SCD5: variants seen among roughly 807,000 people sequenced by gnomAD.
SCD5 encodes stearoyl-CoA desaturase 5, also known as acyl-CoA-desaturase 4.
A neutral mutation model predicts 30.4 loss-of-function variants in SCD5; 20 were observed. That is an observed-to-expected ratio of 0.66 (90% CI 0.46 to 0.96). The LOEUF (loss-of-function observed/expected upper bound fraction) is 0.96, where lower values mean the gene tolerates loss of function less well. Ranked by LOEUF, SCD5 falls within the 40% of genes least tolerant of loss-of-function variation. SCD5 has a pLI of 0.00. For synonymous variants in SCD5, 173 were observed against 176.4 expected, an observed-to-expected ratio of 0.98 and a Z score of 0.16; for missense variants, 381 against 443.3, an observed-to-expected ratio of 0.86 and a Z score of 1.26.
chr4:82,722,991 C>T (rs888011719), intron 1 of SCD5, among the ~76,000 whole-genome samples: 4 of 149,902 alleles, frequency 2.7e-5, no homozygotes, highest in African/African-American at 9.8e-5. Context: ...GCAGGAGAAT[C>T]GCTTGAACCT....
intron 1 of SCD5, among the ~76,000 whole-genome samples, chr4:82,793,996 G>A (rs1416824604): frequency 6.6e-6 from 1 of 152,154 alleles, no homozygotes; most frequent in Non-Finnish European, 1.5e-5. Flanking sequence ...CAGACTACCC[G>A]ATGCCCAACG....
intron 1 of SCD5, among the ~76,000 whole-genome samples, chr4:82,746,269 G>A (rs570798975): frequency 1.9e-4 from 29 of 152,312 alleles, no homozygotes; most frequent in African/African-American, 7.0e-4. Context: ...GGAACCAGAG[G>A]AAAATACTCA....
intron 3 of SCD5, among the ~76,000 whole-genome samples, chr4:82,648,737 T>C (rs186927129): frequency 0.055 from 8,316 of 152,214 alleles, 347 homozygotes; most frequent in African/African-American, 0.12. Flanking sequence ...TTGCTCCTTC[T>C]AACTTGTTTC....
chr4:82,723,950 A>G (rs1173010540), intron 1 of SCD5, among the ~76,000 whole-genome samples: 2 of 152,366 alleles, frequency 1.3e-5, no homozygotes, highest in East Asian at 1.9e-4. Context: ...TCTGGACAAG[A>G]TATTAGATTA....
At chr4:82,705,066 T>C (rs1719939599) in intron 2 of SCD5, among the ~76,000 whole-genome samples, 1 of 152,206 alleles carries the variant, frequency 6.6e-6, no homozygotes, top group Non-Finnish European at 1.5e-5. Flanking sequence ...TTCCCCTCAG[T>C]AGTTCAGCAT....
At chr4:82,671,883 A>C (rs1728334202) in intron 3 of SCD5, among the ~76,000 whole-genome samples, 1 of 152,210 alleles carries the variant, frequency 6.6e-6, no homozygotes, top group African/African-American at 2.4e-5. Context: ...TCTGTCTCAA[A>C]CAAACAAACA....
At chr4:82,730,822 A>G (rs6833273) in intron 1 of SCD5, among the ~76,000 whole-genome samples, 48,445 of 151,750 alleles carry the variant, frequency 0.32, 7,908 homozygotes, top group Middle Eastern at 0.4. Context: ...CTGACCTCGT[A>G]ATCCGCTTGC....
At chr4:82,779,540 C>T (rs955589763) in intron 1 of SCD5, among the ~76,000 whole-genome samples, 3 of 152,176 alleles carry the variant, frequency 2.0e-5, no homozygotes, top group Non-Finnish European at 4.4e-5. Flanking sequence ...CAATGCTGTC[C>T]CAGAGCTGCC....
chr4:82,701,120 A>C (rs1307542664), intron 2 of SCD5, among the ~76,000 whole-genome samples: 1 of 152,252 alleles, frequency 6.6e-6, no homozygotes, highest in African/African-American at 2.4e-5. Context: ...CACTGTTAGA[A>C]GGTCCTTGTG....
intron 3 of SCD5, among the ~76,000 whole-genome samples, chr4:82,639,344 A>G (rs1011595592): frequency 1.3e-5 from 2 of 152,216 alleles, no homozygotes. Flanking sequence ...AGTTCTCTCC[A>G]GATGATCTGC....
chr4:82,660,475 A>C, intron 3 of SCD5: 1 of 964,102 alleles, frequency 1.0e-6, no homozygotes, highest in African/African-American at 1.8e-5. Flanking sequence ...TAGAACCTAA[A>C]GTTTTTATAA....
chr4:82,680,025 T>C (rs1304207975), intron 3 of SCD5, among the ~76,000 whole-genome samples: 2 of 152,158 alleles, frequency 1.3e-5, no homozygotes, highest in Non-Finnish European at 2.9e-5. Context: ...CAGCCAAATT[T>C]TGCAGACCCA....
At chr4:82,702,714 G>C (rs772006638) in intron 2 of SCD5, among the ~76,000 whole-genome samples, 1 of 152,084 alleles carries the variant, frequency 6.6e-6, no homozygotes, top group Non-Finnish European at 1.5e-5. Flanking sequence ...GAGAATCTTT[G>C]AAACTATCTT....
At chr4:82,664,987 C>CTATATA (rs1482673253) in intron 3 of SCD5, among the ~76,000 whole-genome samples, 1 of 108,750 alleles carries the variant, frequency 9.2e-6, no homozygotes, top group Non-Finnish European at 1.7e-5. Context: ...CTCTCTCTCT[C>CTATATA]TCTCTCTCTC....
rs779515965 is a variant in SCD5, at chr4:82,705,299, T to C, written c.347A>G (p.Asn116Ser). The C allele has an allele frequency of 3.1e-6, 5 of 1,614,008 alleles. No homozygotes were observed. The highest frequency in any genetic ancestry group is 4.5e-5 in the East Asian group (2 of 44,872). The stretch of plus-strand genomic sequence containing the variant: ...CATCCTCACCTGGAAAGCCATGGAG[T>C]TGGCGACAGCCAGAAATATCCTCAG... ...LPLRIFLAVA[N>S]SMAFQNDIFE... is the part of the protein sequence containing the mutation. Residue 116 changes from asparagine (N) to serine (S), a missense_variant, in exon 2 of 5, where the codon AAC becomes AGC. Physicochemically the swap from Asn to Ser is conservative, Grantham distance 46 (BLOSUM62 1). Coordinates refer to ENST00000319540, the MANE Select transcript of SCD5 (RefSeq NM_001037582.3).
rs138456890 is a variant in SCD5 at position 82,664,700 on chromosome 4, G to A, written c.569+16007C>T. On this transcript the variant is annotated intron_variant, in intron 3 of 4. Coordinates refer to ENST00000319540, the MANE Select transcript of SCD5 (RefSeq NM_001037582.3). ...GTTCATTGGCAGTCTAGACATAACT[G>A]AGGAAAGAATTAGTAAACTTGAAGA... 7.0e-4 allele frequency among the ~76,000 whole-genome samples: 106 copies of A among 152,194 alleles called. No individual in the cohort carries two copies. In the Middle Eastern group the frequency reaches 0.014, roughly 20 times the overall value.
In SCD5 at chr4:82,631,423, A is replaced by G. The variant is rs1356639045; in HGVS notation, c.897T>C (p.Asp299=). ...TGGCCAGCCCCAGCCAGCACATGAA[A>G]TCAATGAACCAGGTGGTTGGGTTAA... ...LNFNPTTWFI[D]FMCWLGLATD... Residue 299 remains aspartate (D), a synonymous_variant, in exon 5 of 5, where the codon GAT becomes GAC. Transcript: ENST00000319540. The G allele has an allele frequency of 6.2e-7, 1 of 1,614,072 alleles. No individual in the cohort carries two copies. Among genetic ancestry groups the G allele is most frequent in the Non-Finnish European group, 8.5e-7 (1 of 1,180,044 alleles).
intron 1 of SCD5, among the ~76,000 whole-genome samples, chr4:82,721,845 T>G (rs980417840): frequency 1.3e-5 from 2 of 152,244 alleles, no homozygotes; most frequent in Admixed American, 1.3e-4. Flanking sequence ...AATCATTAGA[T>G]GAAAGGATTT....
Position 82,788,578 on chromosome 4 carries a change from A to G in SCD5, c.232+9728T>C, listed in dbSNP as rs554927071. On this transcript the variant is annotated intron_variant, in intron 1 of 4. Transcript: ENST00000319540. ...GCTAATTTTTGTATTTTTAGTAGAG[A>G]AGGGGTTTCGTTATGTTGGCCAGGC... is the stretch of plus-strand genomic sequence containing the variant. 3.3e-5 allele frequency among the ~76,000 whole-genome samples: 5 copies of G among 152,106 alleles called. No homozygotes were observed. In the East Asian group the frequency reaches 7.7e-4, roughly 24 times the overall value.
Sources: gnomAD v4.1 joint callset for allele counts (sites outside exome capture counted in the v4.1 genomes callset) on GRCh38, gnomAD v4.1.1 for gene constraint, MANE v1.5 for transcripts, NCBI Gene and HGNC (gene_info 2026-07-23, HGNC 2026-07-21) for gene names.